RABL3: variants seen among roughly 807,000 people sequenced by gnomAD.
RABL3 encodes RAB, member of RAS oncogene family like 3.
In RABL3, 31 loss-of-function variants were observed where a neutral mutation model predicts 31.8. The ratio of observed to expected loss-of-function variants is 0.97; its 90% CI spans 0.73 to 1.31. The LOEUF (loss-of-function observed/expected upper bound fraction) is 1.31. RABL3 is among the 40% of genes most tolerant of loss of function. The pLI is 0.00. For missense variants in RABL3, 263 were observed against 279.6 expected (o/e 0.94, Z 0.42); for synonymous variants, 97 against 99.9 (o/e 0.97, Z 0.18).
chr3:120,690,381 T>C (rs1199211569), intron 7 of RABL3, 68 bp downstream of exon 7: 19 of 1,179,844 alleles, frequency 1.6e-5, no homozygotes, highest in Non-Finnish European at 2.3e-5. Context: ...AAACTACTTC[T>C]GAACTTAAAT....
chr3:120,692,164 GAGA>G (rs989099888), intron 6 of RABL3, among the ~76,000 whole-genome samples: 38 of 152,208 alleles, frequency 2.5e-4, no homozygotes, highest in African/African-American at 8.4e-4. Flanking sequence ...AAAGAGGCTG[GAGA>G]AGGAGTTAGA....
At chr3:120,695,594 A>C (rs914013363) in intron 5 of RABL3, among the ~76,000 whole-genome samples, 7 of 152,208 alleles carry the variant, frequency 4.6e-5, no homozygotes, top group African/African-American at 1.7e-4. Context: ...AGGCACAACA[A>C]GCACTTACCA....
At position 120,689,732 on chromosome 3, in the gene RABL3, T is replaced by G; in HGVS notation, c.*91A>C. 1 of 878,268 alleles carries G rather than the reference T, an allele frequency of 1.1e-6. No homozygotes were observed. Among genetic ancestry groups the G allele is most frequent in the Admixed American group, 1.9e-5 (1 of 51,292 alleles). 54.4% of individuals were successfully genotyped at this position (878,268 alleles called of 1,614,324 possible). A position where few individuals can be genotyped will look rare whatever the true frequency, so the allele number is the denominator to read the frequency against. On this transcript the variant is annotated 3_prime_UTR_variant, in exon 8 of 8. Transcript: ENST00000273375. ...GGGTAGCATTTTAAGATGATTTTGT[T>G]AAAAGGCTGTGATGGTAATAATTGA...
chr3:120,736,706 G>C (rs1708970859), intron 1 of RABL3, among the ~76,000 whole-genome samples: 1 of 152,128 alleles, frequency 6.6e-6, no homozygotes, highest in Non-Finnish European at 1.5e-5. Flanking sequence ...CTTCCTTCAG[G>C]AGCTCTTTTA....
At chr3:120,725,814 G>C (rs1453887525) in intron 2 of RABL3, among the ~76,000 whole-genome samples, 1 of 152,112 alleles carries the variant, frequency 6.6e-6, no homozygotes, top group Non-Finnish European at 1.5e-5. Context: ...GAGGGAGCGG[G>C]GAGGGATAGC....
chr3:120,706,628 T>TTTTTTTTTTTTTTTTTTTTTTTGAG (rs1216005895), intron 3 of RABL3, among the ~76,000 whole-genome samples: 3 of 151,262 alleles, frequency 2.0e-5, no homozygotes, highest in South Asian at 2.1e-4. Flanking sequence ...TGCTATTCTT[T>TTTTTTTTTTTTTTTTTTTTTTTGAG]AGCTGACAAA....
chr3:120,719,307 C>T (rs1022865241), intron 2 of RABL3, among the ~76,000 whole-genome samples: 1 of 152,192 alleles, frequency 6.6e-6, no homozygotes, highest in Non-Finnish European at 1.5e-5. Context: ...GCATTTCCAA[C>T]TGAGGTACTG....
rs1708295291 is a variant in RABL3 at position 120,685,186 on chromosome 3, C to A, written c.*4637G>T. ...GGATAGAAAGTGGAAAACATTACAT[C>A]CAGGAATTGCTACAAGGTAATGTGA... On this transcript the variant is annotated 3_prime_UTR_variant, in exon 8 of 8. Coordinates refer to ENST00000273375, the MANE Select transcript of RABL3 (RefSeq NM_173825.5). Among the ~76,000 whole-genome samples the A allele has an allele frequency of 6.6e-6, 1 of 152,100 alleles. No homozygotes were observed. The highest frequency in any genetic ancestry group is 1.9e-4 in the East Asian group (1 of 5,200).
intron 2 of RABL3, among the ~76,000 whole-genome samples, chr3:120,728,036 T>G (rs999396321): frequency 2.0e-5 from 3 of 152,178 alleles, no homozygotes; most frequent in Non-Finnish European, 4.4e-5. Context: ...AAGATGCTTG[T>G]TGGTGCCACT....
intron 2 of RABL3, among the ~76,000 whole-genome samples, chr3:120,728,952 T>C (rs1708852838): frequency 6.6e-6 from 1 of 152,154 alleles, no homozygotes; most frequent in African/African-American, 2.4e-5. Context: ...CAGGGGTTGG[T>C]GCCTGGAGTC....
chr3:120,701,055 TTTTTATTAGTTTC>T (rs1471874105), intron 4 of RABL3, among the ~76,000 whole-genome samples: 1 of 152,076 alleles, frequency 6.6e-6, no homozygotes, highest in East Asian at 1.9e-4. Flanking sequence ...TAGGTTACCA[TTTTTATTAGTTTC>T]TTATTTTTCA....
At chr3:120,696,070 C>T (rs909822585) in intron 5 of RABL3, among the ~76,000 whole-genome samples, 4 of 152,124 alleles carry the variant, frequency 2.6e-5, no homozygotes, top group Non-Finnish European at 4.4e-5. Context: ...TCAATATGAT[C>T]GCTTCAAAGT....
chr3:120,742,438 C>G (rs756413725), intron 1 of RABL3, 24 bp downstream of exon 1: 1 of 1,612,618 alleles, frequency 6.2e-7, no homozygotes, highest in Non-Finnish European at 8.5e-7. Flanking sequence ...GTCTGGAGCC[C>G]CAGAGGTAGG....
chr3:120,712,690 C>A (rs981349645), intron 2 of RABL3, among the ~76,000 whole-genome samples: 1 of 152,098 alleles, frequency 6.6e-6, no homozygotes, highest in Non-Finnish European at 1.5e-5. Context: ...TGTAAGGGCA[C>A]GGACCATGTA....
At chr3:120,732,829 T>C (rs1708903041) in intron 1 of RABL3, among the ~76,000 whole-genome samples, 1 of 151,970 alleles carries the variant, frequency 6.6e-6, no homozygotes, top group South Asian at 2.1e-4. Context: ...TTTTTGTCCT[T>C]GCGATAGTTT....
chr3:120,708,256 T>C (rs2107582029), intron 3 of RABL3, among the ~76,000 whole-genome samples: 1 of 152,140 alleles, frequency 6.6e-6, no homozygotes, highest in African/African-American at 2.4e-5. Flanking sequence ...TATTTCAGTC[T>C]TATCTGCAAA....
chr3:120,718,129 G>T (rs978463366), intron 2 of RABL3, among the ~76,000 whole-genome samples: 1 of 151,738 alleles, frequency 6.6e-6, no homozygotes, highest in African/African-American at 2.4e-5. Context: ...TTTTCTCCTG[G>T]AATCTTACTC....
chr3:120,728,413 G>A (rs904486035), intron 2 of RABL3, among the ~76,000 whole-genome samples: 1 of 152,298 alleles, frequency 6.6e-6, no homozygotes, highest in East Asian at 1.9e-4. Context: ...CAGGAGGTGA[G>A]TGTTTAAATC....
chr3:120,719,208 C>T (rs1394207208), intron 2 of RABL3, among the ~76,000 whole-genome samples: 2 of 152,140 alleles, frequency 1.3e-5, no homozygotes, highest in African/African-American at 2.4e-5. Flanking sequence ...TAAAACTGGA[C>T]GTGGGGAGGG....
Sources: allele counts gnomAD v4.1 joint callset (sites outside exome capture counted in the v4.1 genomes callset), GRCh38; gene constraint gnomAD v4.1.1; transcripts MANE v1.5; gene names NCBI Gene and HGNC (gene_info 2026-07-23, HGNC 2026-07-21).